GABRG3: variants seen among roughly 807,000 people sequenced by gnomAD.
The protein encoded by GABRG3 is gamma-aminobutyric acid receptor subunit gamma-3.
GABRG3 carries 25 observed loss-of-function variants against 48.8 expected under a neutral mutation model. That is an observed-to-expected ratio of 0.51 (90% confidence interval 0.37 to 0.72). GABRG3 has a LOEUF of 0.72. GABRG3 is among the 30% of genes least tolerant of loss of function. GABRG3 has a pLI of 0.00. For synonymous variants in GABRG3, 227 were observed against 217.6 expected (o/e 1.04, Z -0.38); for missense variants, 394 against 577.9 (o/e 0.68, Z 3.26).
At chr15:27,329,788 GAATATCA>G (rs1893743519) in intron 5 of GABRG3, among the ~76,000 whole-genome samples, 1 of 152,100 alleles carries the variant, frequency 6.6e-6, no homozygotes, top group Non-Finnish European at 1.5e-5. Flanking sequence ...CATATAAAAG[GAATATCA>G]AATATCAAAT....
At chr15:27,192,274 CT>C (rs1311579027) in intron 3 of GABRG3, among the ~76,000 whole-genome samples, 4 of 152,094 alleles carry the variant, frequency 2.6e-5, no homozygotes, top group Non-Finnish European at 5.9e-5. Context: ...GTTGGCCTGC[CT>C]TGCTAGATTG....
chr15:27,485,879 GA>G (rs1890208412), intron 6 of GABRG3, among the ~76,000 whole-genome samples: 1 of 152,178 alleles, frequency 6.6e-6, no homozygotes, highest in South Asian at 2.1e-4. Context: ...GAGAGAAAGA[GA>G]TTGACTCTAT....
rs199645984 is a variant in GABRG3, at chr15:27,033,018, CA to C, written c.270+6199del. Among the ~76,000 whole-genome samples the C allele has an allele frequency of 5.7e-3, 861 of 152,212 alleles. 6 individuals are homozygous for C. Among genetic ancestry groups the C allele is most frequent in the African/African-American group, 0.02 (826 of 41,524 alleles). ...AGCCCTTCTTTTTAAGCCATTTTTA[CA>C]ATTGTTTTTTAACCTCTTATGTTGT... On this transcript the variant is annotated intron_variant, in intron 3 of 9. Coordinates refer to ENST00000615808, the MANE Select transcript of GABRG3 (RefSeq NM_033223.5).
chr15:27,185,080 G>A (rs890834679), intron 3 of GABRG3, among the ~76,000 whole-genome samples: 5 of 151,540 alleles, frequency 3.3e-5, no homozygotes, highest in African/African-American at 1.2e-4. Context: ...GCTGACTTTA[G>A]GTTTATTTTG....
intron 3 of GABRG3, among the ~76,000 whole-genome samples, chr15:27,156,223 C>T (rs949156896): frequency 4.8e-5 from 7 of 145,200 alleles, no homozygotes; most frequent in African/African-American, 1.6e-4. Context: ...GGCATGAACC[C>T]GGGAGGTGGA....
chr15:27,045,999 G>A (rs545769362), intron 3 of GABRG3, among the ~76,000 whole-genome samples: 2 of 152,216 alleles, frequency 1.3e-5, no homozygotes, highest in Non-Finnish European at 2.9e-5. Context: ...CGTGGGAACT[G>A]CAGAGAGCTC....
intron 3 of GABRG3, among the ~76,000 whole-genome samples, chr15:27,155,475 G>T (rs1321494383): frequency 6.6e-6 from 1 of 152,124 alleles, no homozygotes; most frequent in Non-Finnish European, 1.5e-5. Context: ...TTGGTAGAAT[G>T]GGCTGAGTGT....
chr15:27,033,213 G>A (rs543694742), intron 3 of GABRG3, among the ~76,000 whole-genome samples: 9 of 150,834 alleles, frequency 6.0e-5, no homozygotes, highest in Non-Finnish European at 1.0e-4. Context: ...TTCACATTAC[G>A]TGCCCTGTCA....
chr15:27,467,187 G>C (rs866363571), intron 5 of GABRG3, among the ~76,000 whole-genome samples: 1 of 152,068 alleles, frequency 6.6e-6, no homozygotes. Context: ...ACCCTGGCTG[G>C]GTCCTCACAC....
In GABRG3 at chr15:27,125,371, G is replaced by C. The variant is rs115677884; in HGVS notation, c.270+98550G>C. ...AAGGGAAGGGAGGAGGAGAGGGTGG[G>C]GAGAGGTTTGTTAATGCGCACAAAG... On this transcript the variant is annotated intron_variant, in intron 3 of 9. Transcript: ENST00000615808. Among the ~76,000 whole-genome samples the C allele has an allele frequency of 3.1e-3, 469 of 151,980 alleles. 1 individual carries two copies. Among genetic ancestry groups the C allele is most frequent in the African/African-American group, 0.011 (453 of 41,488 alleles).
chr15:27,307,809 A>G (rs1892700684), intron 3 of GABRG3, among the ~76,000 whole-genome samples: 1 of 132,992 alleles, frequency 7.5e-6, no homozygotes, highest in Non-Finnish European at 1.6e-5. Context: ...ATAAACATAA[A>G]CATATATAAA....
chr15:27,480,241 C>G (rs1007335197), intron 5 of GABRG3, among the ~76,000 whole-genome samples: 2 of 152,168 alleles, frequency 1.3e-5, no homozygotes, highest in Non-Finnish European at 2.9e-5. Context: ...GGATGGACTA[C>G]ATTTTGGGGA....
chr15:27,431,904 A>G (rs1888465204), intron 5 of GABRG3, among the ~76,000 whole-genome samples: 1 of 152,074 alleles, frequency 6.6e-6, no homozygotes, highest in Admixed American at 6.6e-5. Flanking sequence ...TTGACCTTTT[A>G]TTCTTTAGGA....
intron 5 of GABRG3, among the ~76,000 whole-genome samples, chr15:27,389,336 A>T (rs778538590): frequency 5.9e-5 from 9 of 152,230 alleles, no homozygotes; most frequent in Non-Finnish European, 1.3e-4. Flanking sequence ...GATAGCGTAG[A>T]TCAATGTAAT....
chr15:27,447,308 G>A lies in GABRG3; in HGVS notation c.575-33342G>A, dbSNP rs143663109. ...CACCCCAGGGAAAGGAGTCGAGCATGGCTGAGACTGGGCATGTAGGCAGAC... is the reference window on the plus strand; with the variant it reads ...CACCCCAGGGAAAGGAGTCGAGCATAGCTGAGACTGGGCATGTAGGCAGAC... On this transcript the variant is annotated intron_variant, in intron 5 of 9. Coordinates refer to ENST00000615808, the MANE Select transcript of GABRG3 (RefSeq NM_033223.5). This position sits in a 1 kb window ranked among gnomAD's most constrained non-coding sequence, Gnocchi z 4.0. Among the ~76,000 whole-genome samples the A allele has an allele frequency of 5.0e-3, 757 of 152,298 alleles. 6 individuals carry two copies. The highest frequency in any genetic ancestry group is 0.017 in the African/African-American group (707 of 41,576).
intron 3 of GABRG3, among the ~76,000 whole-genome samples, chr15:27,244,011 C>T (rs1890204218): frequency 1.3e-5 from 2 of 152,118 alleles, no homozygotes; most frequent in Non-Finnish European, 2.9e-5. Context: ...GGTTCCTGGT[C>T]ACTGTGGAAA....
intron 1 of GABRG3, among the ~76,000 whole-genome samples, chr15:26,973,651 A>G (rs1479520087): frequency 1.3e-5 from 2 of 152,062 alleles, no homozygotes; most frequent in Non-Finnish European, 2.9e-5. Context: ...CCATTTTGAC[A>G]CCCATGGGCA....
At chr15:27,332,374 C>T (rs906043742) in intron 5 of GABRG3, among the ~76,000 whole-genome samples, 1 of 152,086 alleles carries the variant, frequency 6.6e-6, no homozygotes, top group African/African-American at 2.4e-5. Flanking sequence ...ATTAGCCGGG[C>T]ATAGTGGCAT....
chr15:27,064,844 A>G (rs543882894), intron 3 of GABRG3, among the ~76,000 whole-genome samples: 1 of 152,288 alleles, frequency 6.6e-6, no homozygotes, highest in East Asian at 1.9e-4. Flanking sequence ...CTGGTTATTG[A>G]TGGTGCACTG....
Sources: gnomAD v4.1 joint callset for allele counts (sites outside exome capture counted in the v4.1 genomes callset) on GRCh38, gnomAD v4.1.1 for gene constraint, Gnocchi (gnomAD v3.1) non-coding constraint, MANE v1.5 for transcripts, NCBI Gene and HGNC (gene_info 2026-07-23, HGNC 2026-07-21) for gene names.